Variants in SYCP2L observed in about 807,000 individuals in gnomAD.
SYCP2L encodes the protein synaptonemal complex protein 2-like.
In SYCP2L, 98 loss-of-function variants were observed where a neutral mutation model predicts 125.8. That is an observed-to-expected ratio of 0.78 (90% CI 0.66 to 0.92). The LOEUF (loss-of-function observed/expected upper bound fraction) is 0.92. SYCP2L is among the 40% of genes least tolerant of loss of function. SYCP2L has a pLI of 0.00. For missense variants in SYCP2L, 842 were observed against 936.4 expected, an observed-to-expected ratio of 0.90 and a Z score of 1.32; for synonymous variants, 317 against 325.4, an observed-to-expected ratio of 0.97 and a Z score of 0.28.
At chr6:10,888,999 C>G (rs1360439995) in intron 1 of SYCP2L, among the ~76,000 whole-genome samples, 1 of 152,002 alleles carries the variant, frequency 6.6e-6, no homozygotes, top group Non-Finnish European at 1.5e-5. Context: ...GTAGCTGGGT[C>G]TACAGTCACG....
At position 10,958,858 on chromosome 6, in the gene SYCP2L, C is replaced by G. The variant is rs751593180; in HGVS notation, c.2238C>G (p.Asn746Lys). The change falls in exon 26 of 30, where the codon AAC (asparagine) becomes AAG (lysine). Residue 746 changes from asparagine (N) to lysine (K), a missense_variant. Coordinates refer to ENST00000283141, the MANE Select transcript of SYCP2L (RefSeq NM_001040274.3). ...CGGATTGCCTAATAAAACTTTTAAA[C>G]CAGATGCAACTGTTCAGGTAAGTTT... ...KAPDCLIKLL[N>K]QMQLFRLNKL... 2 of 1,613,888 alleles carry G rather than the reference C, an allele frequency of 1.2e-6. No homozygotes were observed. Among genetic ancestry groups the G allele is most frequent in the Non-Finnish European group, 1.7e-6 (2 of 1,179,928 alleles).
intron 25 of SYCP2L, among the ~76,000 whole-genome samples, chr6:10,957,958 A>G (rs940810953): frequency 3.9e-5 from 6 of 152,188 alleles, no homozygotes; most frequent in African/African-American, 1.4e-4. Flanking sequence ...TATTGGAACC[A>G]TTTCAGTCTT....
chr6:10,950,532 T>C (rs1781391625), intron 23 of SYCP2L, among the ~76,000 whole-genome samples: 1 of 152,188 alleles, frequency 6.6e-6, no homozygotes, highest in Admixed American at 6.5e-5. Flanking sequence ...ATTTTTAGCA[T>C]TTTCATTAGA....
chr6:10,954,978 CGATGCACCGAATG>C lies in SYCP2L; in HGVS notation c.1955-137_1955-125del. On this transcript the variant is annotated intron_variant, in intron 23 of 29. Transcript: ENST00000283141. The surrounding 1 kb of genome is among the most constrained non-coding windows in gnomAD (Gnocchi z 4.8). ...CTTCGATACTTGGTTTGTGCCTAGT[CGATGCACCGAATG>C]ATAACTCATTAGCAACAGGCAGGGG... 1 of 643,868 alleles carries C rather than the reference CGATGCACCGAATG, an allele frequency of 1.6e-6. No homozygotes were observed. Among genetic ancestry groups the C allele is most frequent in the Non-Finnish European group, 2.8e-6 (1 of 356,334 alleles). 39.9% of individuals were successfully genotyped at this position (643,868 alleles called of 1,614,324 possible). A position where few individuals can be genotyped will look rare whatever the true frequency, so the allele number is the denominator to read the frequency against.
chr6:10,910,920 G>C (rs1389507930), intron 12 of SYCP2L, 51 bp downstream of exon 12: 3 of 1,602,222 alleles, frequency 1.9e-6, no homozygotes, highest in South Asian at 1.1e-5. Context: ...GTGAAACCAG[G>C]AGTTAGGTTT....
At chr6:10,902,258 T>C (rs1302242496) in intron 6 of SYCP2L, among the ~76,000 whole-genome samples, 1 of 152,238 alleles carries the variant, frequency 6.6e-6, no homozygotes, top group African/African-American at 2.4e-5. Flanking sequence ...ACATCTTTGT[T>C]TTTATCTTCA....
chr6:10,909,470 A>G (rs1780568660), intron 10 of SYCP2L, among the ~76,000 whole-genome samples: 1 of 152,100 alleles, frequency 6.6e-6, no homozygotes, highest in African/African-American at 2.4e-5. Context: ...GCTGAGGTCT[A>G]TTTACTCCTG....
At chr6:10,913,817 C>G (rs1780645840) in intron 14 of SYCP2L, among the ~76,000 whole-genome samples, 1 of 151,920 alleles carries the variant, frequency 6.6e-6, no homozygotes, top group African/African-American at 2.4e-5. Flanking sequence ...AAGGGTTTTT[C>G]CAATGTTATC....
chr6:10,960,756 A>T, intron 26 of SYCP2L, among the ~76,000 whole-genome samples: 1 of 152,116 alleles, frequency 6.6e-6, no homozygotes, highest in African/African-American at 2.4e-5. Context: ...CTAAAAAAAA[A>T]TCAGCTTCCT....
intron 21 of SYCP2L, among the ~76,000 whole-genome samples, chr6:10,938,534 A>G (rs1158698925): frequency 6.6e-6 from 1 of 152,232 alleles, no homozygotes; most frequent in Non-Finnish European, 1.5e-5. Context: ...TCTGTTTAAC[A>G]TAGTACTGGA....
chr6:10,911,894 CTTTTTTTTTTTTTTTT>C (rs58800098), intron 12 of SYCP2L, among the ~76,000 whole-genome samples: 1 of 50,020 alleles, frequency 2.0e-5, no homozygotes, highest in African/African-American at 7.1e-5. Flanking sequence ...GGAATAAAAG[CTTTTTTTTTTTTTTTT>C]TTTTTTTTTG....
chr6:10,905,615 C>T (rs944496195), intron 8 of SYCP2L, among the ~76,000 whole-genome samples: 31 of 152,242 alleles, frequency 2.0e-4, no homozygotes, highest in African/African-American at 6.0e-4. Context: ...AAAATCAGAT[C>T]AAGCAGCTCA....
intron 1 of SYCP2L, among the ~76,000 whole-genome samples, chr6:10,889,561 A>G (rs7739171): frequency 0.012 from 1,803 of 148,016 alleles, 38 homozygotes; most frequent in African/African-American, 0.041. Flanking sequence ...ACCTCTGCCT[A>G]TCTCACTTCC....
chr6:10,908,595 C>T (rs1246956325), intron 10 of SYCP2L, among the ~76,000 whole-genome samples: 1 of 152,186 alleles, frequency 6.6e-6, no homozygotes, highest in African/African-American at 2.4e-5. Flanking sequence ...GAGGGTTAGA[C>T]TCTTGTAGGA....
At chr6:10,891,657 GTGTGTGTATGTGTATATGAGTGTA>G in intron 2 of SYCP2L, 76 bp downstream of exon 2, 9 of 758,378 alleles carry the variant, frequency 1.2e-5, no homozygotes, top group East Asian at 2.9e-5. Flanking sequence ...GTGTGTGTGT[GTGTGTGTATGTGTATATGAGTGTA>G]TGTATTCTTT....
intron 23 of SYCP2L, among the ~76,000 whole-genome samples, chr6:10,953,916 T>C (rs938222157): frequency 6.6e-6 from 1 of 152,074 alleles, no homozygotes; most frequent in African/African-American, 2.4e-5. Context: ...GGGGATGTGC[T>C]CTGGTCAGAG....
At chr6:10,955,708 A>T (rs1781493566) in intron 24 of SYCP2L, among the ~76,000 whole-genome samples, 1 of 152,202 alleles carries the variant, frequency 6.6e-6, no homozygotes, top group Non-Finnish European at 1.5e-5. Context: ...TGAGCATGCA[A>T]GACTTATGCA....
chr6:10,935,239 G>T, intron 21 of SYCP2L, 52 bp downstream of exon 21: 1 of 1,563,378 alleles, frequency 6.4e-7, no homozygotes, highest in Non-Finnish European at 8.7e-7. Flanking sequence ...TTTGGGAAAG[G>T]TAGTTTGAAG....
At chr6:10,903,668 T>G (rs1469159369) in intron 8 of SYCP2L, among the ~76,000 whole-genome samples, 1 of 151,864 alleles carries the variant, frequency 6.6e-6, no homozygotes, top group Non-Finnish European at 1.5e-5. Context: ...GGAGAATCGC[T>G]TGAACCCAGG....
Sources: gnomAD v4.1 joint callset for allele counts (sites outside exome capture counted in the v4.1 genomes callset) on GRCh38, gnomAD v4.1.1 for gene constraint, Gnocchi (gnomAD v3.1) non-coding constraint, MANE v1.5 for transcripts, NCBI Gene and HGNC (gene_info 2026-07-23, HGNC 2026-07-21) for gene names.